Variants in CCDC47 observed in about 807,000 individuals in gnomAD.
The protein encoded by CCDC47 is PAT complex subunit CCDC47.
CCDC47 carries 41 observed loss-of-function variants against 60.5 expected under a neutral mutation model. That is an observed-to-expected ratio of 0.68 (90% CI 0.53 to 0.88). The LOEUF is 0.88. Among genes scored for constraint, CCDC47 ranks in the 40% least tolerant of loss-of-function variants. The pLI, the probability that CCDC47 is intolerant of heterozygous loss-of-function variation, is 0.00. For missense variants in CCDC47, 513 were observed against 580.9 expected (o/e 0.88, Z 1.20); for synonymous variants, 195 against 190.7 (o/e 1.02, Z -0.18).
intron 9 of CCDC47, chr17:63,753,755 C>T (rs2039184132): frequency 3.6e-6 from 1 of 278,062 alleles, no homozygotes; most frequent in African/African-American, 2.3e-5. Context: ...TTACAAAACA[C>T]ACAGATTTGT....
At position 63,766,059 on chromosome 17, in the gene CCDC47, G is replaced by A. The variant is rs148412429; in HGVS notation, c.117C>T (p.Phe39=). 205 of 1,613,804 alleles carry A rather than the reference G, an allele frequency of 1.3e-4. No homozygotes were observed. The highest frequency in any genetic ancestry group is 1.7e-4 in the Non-Finnish European group (199 of 1,179,986). The change falls in exon 2 of 13, where the codon TTC becomes TTT. Residue 39 remains phenylalanine, a synonymous_variant. Transcript: ENST00000225726. ...CTTCCATGACATCCTCAAATTCAGCGAAGTCATTATCATCATACTCTACTA... is the reference window on the plus strand; with the variant it reads ...CTTCCATGACATCCTCAAATTCAGCAAAGTCATTATCATCATACTCTACTA... The part of the protein sequence containing the change: ...EDIVEYDDND[F]AEFEDVMEDS...
intron 1 of CCDC47, among the ~76,000 whole-genome samples, chr17:63,769,594 C>A (rs1162141142): frequency 7.0e-5 from 7 of 99,526 alleles, no homozygotes; most frequent in Admixed American, 1.3e-4. Flanking sequence ...GCCTGGGCAA[C>A]AAGAGTGAAA....
chr17:63,748,409 G>A (rs937486513), intron 12 of CCDC47, among the ~76,000 whole-genome samples: 1 of 151,724 alleles, frequency 6.6e-6, no homozygotes, highest in Non-Finnish European at 1.5e-5. Context: ...CACCGCGCCC[G>A]GCCTATCTTA....
chr17:63,759,567 A>T (rs1220588067), intron 6 of CCDC47, among the ~76,000 whole-genome samples: 1 of 92,780 alleles, frequency 1.1e-5, no homozygotes, highest in Non-Finnish European at 2.1e-5. Flanking sequence ...ATATATATAT[A>T]TATATATATA....
At chr17:63,755,339 G>A in intron 8 of CCDC47, 1 of 981,784 alleles carries the variant, frequency 1.0e-6, no homozygotes, top group Non-Finnish European at 1.2e-6. Flanking sequence ...AGTACTCCAG[G>A]CTGGGTGCAG....
intron 10 of CCDC47, 134 bp downstream of exon 10, chr17:63,752,607 T>A: frequency 1.1e-6 from 1 of 941,492 alleles, no homozygotes; most frequent in South Asian, 2.2e-5. Flanking sequence ...CTTGAAGAAA[T>A]CTGGAAATCA....
intron 9 of CCDC47, chr17:63,753,316 A>G (rs1372654306): frequency 5.9e-6 from 3 of 507,442 alleles, no homozygotes; most frequent in African/African-American, 2.1e-5. Context: ...TCCTTTGACT[A>G]TCAATTGCCC....
chr17:63,764,750 G>A lies in CCDC47; in HGVS notation c.362C>T (p.Thr121Met), dbSNP rs144041507. Residue 121 changes from threonine to methionine, a missense_variant, in exon 3 of 13, where the codon ACG becomes ATG. Coordinates refer to ENST00000225726, the MANE Select transcript of CCDC47 (RefSeq NM_020198.3). The stretch of plus-strand genomic sequence containing the variant: ...ATCCTGGATACCTACATCAACAATC[G>A]TTATTGGGTCTTTATTTTTGCTAGA... ...TSSSKNKDPITIVDVPAHLQN... is the reference protein window; with the variant it reads ...TSSSKNKDPIMIVDVPAHLQN... The A allele has an allele frequency of 6.2e-6, 10 of 1,611,926 alleles. No individual in the cohort carries two copies. The highest frequency in any genetic ancestry group is 4.4e-5 in the South Asian group (4 of 90,702).
intron 6 of CCDC47, among the ~76,000 whole-genome samples, chr17:63,758,712 T>C (rs1044612777): frequency 2.6e-5 from 4 of 152,064 alleles, no homozygotes; most frequent in Admixed American, 6.6e-5. Flanking sequence ...ATATGATATA[T>C]TTGTTATATT....
intron 3 of CCDC47, among the ~76,000 whole-genome samples, chr17:63,764,408 A>G (rs995972093): frequency 3.3e-5 from 5 of 152,212 alleles, no homozygotes; most frequent in Non-Finnish European, 7.3e-5. Context: ...AATGGGATGA[A>G]AAGCTGGAAA....
intron 1 of CCDC47, among the ~76,000 whole-genome samples, chr17:63,768,838 G>A: frequency 6.6e-6 from 1 of 151,920 alleles, no homozygotes; most frequent in Non-Finnish European, 1.5e-5. Context: ...AATCCCAGCA[G>A]TTTGGGAGGC....
rs775583739 is a variant in CCDC47 at position 63,771,013 on chromosome 17, AAAGGAAGGAAGG to A, written c.-20+2387_-20+2398del. Among the ~76,000 whole-genome samples the A allele has an allele frequency of 2.0e-4, 22 of 110,200 alleles. No individual in the cohort carries two copies. In the South Asian group the frequency reaches 2.9e-3, roughly 14 times the overall value. 72.3% of individuals were successfully genotyped at this position (110,200 alleles called of 152,430 possible). On this transcript the variant is annotated intron_variant, in intron 1 of 12. Coordinates refer to ENST00000225726, the MANE Select transcript of CCDC47 (RefSeq NM_020198.3). ...AAAAAAAAAAAAGAAAGAAAGAAAG[AAAGGAAGGAAGG>A]AAGGAAGGAAGGAAGGAAGGAAGAA... is the stretch of plus-strand genomic sequence containing the variant.
In CCDC47 at chr17:63,759,507, AAATATATATATATATATATTT is replaced by A. The variant is rs2039234163; in HGVS notation, c.735+1386_735+1406del. Among the ~76,000 whole-genome samples, 8 of 22,196 alleles carry A rather than the reference AAATATATATATATATATATTT, an allele frequency of 3.6e-4. 1 individual carries two copies. Among genetic ancestry groups the A allele is most frequent in the African/African-American group, 3.1e-3 (6 of 1,932 alleles). 14.6% of individuals were successfully genotyped at this position (22,196 alleles called of 152,430 possible). Reference sequence around the variant, plus strand: ...CTGTCTCCCAAAAAAAAAAAAAAAAAAATATATATATATATATATTTATATATATATATATATATATATATA... The same window carrying A: ...CTGTCTCCCAAAAAAAAAAAAAAAAAATATATATATATATATATATATATA... On this transcript the variant is annotated intron_variant, in intron 6 of 12. Transcript: ENST00000225726.
intron 7 of CCDC47, 29 bp from the exon 8 acceptor site, chr17:63,756,379 T>TA (rs1252092888): frequency 7.5e-6 from 12 of 1,592,970 alleles, no homozygotes; most frequent in Non-Finnish European, 9.5e-6. Flanking sequence ...GAAAGTAAGA[T>TA]ATGACCTTTT....
chr17:63,757,717 T>A (rs2039218351), intron 6 of CCDC47, among the ~76,000 whole-genome samples: 1 of 152,168 alleles, frequency 6.6e-6, no homozygotes, highest in African/African-American at 2.4e-5. Flanking sequence ...TAATGTGGAA[T>A]AAACTGAAAT....
Position 63,758,523 on chromosome 17 carries a change from T to A in CCDC47, c.736-1953A>T, listed in dbSNP as rs539837902. Among the ~76,000 whole-genome samples the A allele has an allele frequency of 5.9e-4, 87 of 148,624 alleles. 1 individual carries two copies. Among genetic ancestry groups the A allele is most frequent in the African/African-American group, 1.6e-3 (67 of 40,762 alleles). ...TCTCGGTCTCTAGAAAAAAAAAAAA[T>A]TTAAATTTACAAAATTAAAAAGAAT... On this transcript the variant is annotated intron_variant, in intron 6 of 12. Transcript: ENST00000225726.
intron 1 of CCDC47, among the ~76,000 whole-genome samples, chr17:63,769,973 T>C (rs1325434830): frequency 6.6e-6 from 1 of 150,630 alleles, no homozygotes. Flanking sequence ...TTTTTTTTTT[T>C]TTTTTGAGGC....
At position 63,746,946 on chromosome 17, in the gene CCDC47, G is replaced by A; in HGVS notation, c.1387C>T (p.Arg463Cys). 6.2e-7 allele frequency: 1 copy of A among 1,613,236 alleles called. No homozygotes were observed. Among genetic ancestry groups the A allele is most frequent in the Non-Finnish European group, 8.5e-7 (1 of 1,179,642 alleles). Residue 463 changes from arginine to cysteine, a missense_variant, in exon 13 of 13, where the codon CGT (arginine) becomes TGT (cysteine). Coordinates refer to ENST00000225726, the MANE Select transcript of CCDC47 (RefSeq NM_020198.3). ...TTCTTTTCCAACTTCTTTTGCTCAC[G>A]CCTCAATGCAGCCTCCTAGAGAAAG... ...QRRLEEAALR[R>C]EQKKLEKKQM...
In CCDC47 at chr17:63,752,439, A is replaced by T. The variant is rs778458769; in HGVS notation, c.1094-10T>A. ...TTACCTGAGCCAGGCACTGGAAAAC[A>T]AAGCCATTTTTCCTACTGAGTTAAT... is the stretch of plus-strand genomic sequence containing the variant. On this transcript the variant is annotated splice_polypyrimidine_tract_variant and intron_variant, in intron 10 of 12. Transcript: ENST00000225726. The T allele has an allele frequency of 6.3e-7, 1 of 1,578,628 alleles. No individual in the cohort carries two copies. Among genetic ancestry groups the T allele is most frequent in the Non-Finnish European group, 8.7e-7 (1 of 1,153,350 alleles).
Sources: allele counts gnomAD v4.1 joint callset (sites outside exome capture counted in the v4.1 genomes callset), GRCh38; gene constraint gnomAD v4.1.1; transcripts MANE v1.5; gene names NCBI Gene and HGNC (gene_info 2026-07-23, HGNC 2026-07-21).